Variants in DGKI observed in about 807,000 individuals in gnomAD.
The protein encoded by DGKI is diacylglycerol kinase iota, also known as DAG kinase iota.
A neutral mutation model predicts 147.5 loss-of-function variants in DGKI; 55 were observed. The observed-to-expected ratio is 0.37, with a 90% confidence interval of 0.30 to 0.47. The LOEUF (loss-of-function observed/expected upper bound fraction) is 0.47. Ranked by LOEUF, DGKI falls within the 20% of genes least tolerant of loss-of-function variation. DGKI has a pLI of 1.00. For missense variants in DGKI, 1,007 were observed against 1,323.8 expected, an observed-to-expected ratio of 0.76 and a Z score of 3.71; for synonymous variants, 469 against 477.1, an observed-to-expected ratio of 0.98 and a Z score of 0.22.
intron 23 of DGKI, among the ~76,000 whole-genome samples, chr7:137,472,353 T>G (rs1477984760): frequency 4.4e-5 from 5 of 113,416 alleles, no homozygotes; most frequent in African/African-American, 2.3e-4. Context: ...AATTATTATA[T>G]GTATATATAC....
At chr7:137,449,027 T>C (rs1813843609) in intron 27 of DGKI, among the ~76,000 whole-genome samples, 1 of 152,224 alleles carries the variant, frequency 6.6e-6, no homozygotes, top group Admixed American at 6.5e-5. Context: ...CTCTTTCTCA[T>C]GAATTAAAAT....
intron 6 of DGKI, among the ~76,000 whole-genome samples, chr7:137,637,496 C>T (rs1323274481): frequency 6.6e-6 from 1 of 152,204 alleles, no homozygotes; most frequent in Non-Finnish European, 1.5e-5. Flanking sequence ...AGAAGAATTA[C>T]ACCTGTTTAC....
At chr7:137,607,467 A>G (rs1034932296) in intron 10 of DGKI, among the ~76,000 whole-genome samples, 1 of 152,224 alleles carries the variant, frequency 6.6e-6, no homozygotes, top group African/African-American at 2.4e-5. Context: ...TGGAATAGGA[A>G]CAGGCTATGT....
chr7:137,489,030 T>C lies in DGKI; in HGVS notation c.2249-1341A>G, dbSNP rs150437926. Among the ~76,000 whole-genome samples the C allele has an allele frequency of 6.5e-3, 983 of 152,226 alleles. 9 individuals carry two copies. The highest frequency in any genetic ancestry group is 0.017 in the Middle Eastern group (5 of 294). Reference sequence around the variant, plus strand: ...AAAAGAAATAGAGTTTGTATCTCAATGTTACCTCCTAGATTGGTTTCTGCT... The same window carrying C: ...AAAAGAAATAGAGTTTGTATCTCAACGTTACCTCCTAGATTGGTTTCTGCT... On this transcript the variant is annotated intron_variant, in intron 21 of 32. Coordinates refer to ENST00000614521, the MANE Select transcript of DGKI (RefSeq NM_001321708.2).
At chr7:137,724,419 G>T (rs949995010) in intron 1 of DGKI, among the ~76,000 whole-genome samples, 1 of 152,174 alleles carries the variant, frequency 6.6e-6, no homozygotes, top group East Asian at 1.9e-4. Flanking sequence ...AAGGGGAGGG[G>T]TATAACTAGA....
intron 27 of DGKI, among the ~76,000 whole-genome samples, chr7:137,453,607 GACAA>G (rs1301626781): frequency 3.9e-5 from 6 of 152,124 alleles, no homozygotes; most frequent in Non-Finnish European, 8.8e-5. Context: ...ATGAGAGAAA[GACAA>G]ACACATTCTC....
intron 3 of DGKI, among the ~76,000 whole-genome samples, chr7:137,664,749 T>A (rs961502472): frequency 1.3e-5 from 2 of 151,992 alleles, no homozygotes; most frequent in African/African-American, 2.4e-5. Context: ...CCCTGAAAAA[T>A]TGTTTTGATC....
chr7:137,486,448 T>G, intron 22 of DGKI, among the ~76,000 whole-genome samples: 1 of 152,116 alleles, frequency 6.6e-6, no homozygotes, highest in East Asian at 1.9e-4. Flanking sequence ...ACAAACATTA[T>G]TTTGGGAAAT....
At chr7:137,465,166 A>G (rs6963610) in intron 26 of DGKI, among the ~76,000 whole-genome samples, 24,773 of 152,156 alleles carry the variant, frequency 0.16, 4,273 homozygotes, top group African/African-American at 0.44. Flanking sequence ...GAAATATTAG[A>G]CAAGTAACAT....
At chr7:137,447,402 G>T (rs1160668325) in intron 27 of DGKI, among the ~76,000 whole-genome samples, 4 of 152,146 alleles carry the variant, frequency 2.6e-5, no homozygotes, top group Non-Finnish European at 5.9e-5. Flanking sequence ...AAATATATAT[G>T]AGGCAAAGAG....
At chr7:137,698,501 A>G (rs1823870330) in intron 1 of DGKI, among the ~76,000 whole-genome samples, 1 of 152,168 alleles carries the variant, frequency 6.6e-6, no homozygotes, top group Non-Finnish European at 1.5e-5. Flanking sequence ...CAAACTTTAC[A>G]TCAACCAGTC....
intron 1 of DGKI, among the ~76,000 whole-genome samples, chr7:137,837,997 C>CTTTT (rs777963342): frequency 1.5e-4 from 17 of 109,778 alleles, no homozygotes; most frequent in East Asian, 2.6e-4. Context: ...AAGGGAGAAA[C>CTTTT]TTTTTTTTTT....
intron 27 of DGKI, among the ~76,000 whole-genome samples, chr7:137,457,846 C>T (rs574944255): frequency 2.0e-5 from 3 of 151,672 alleles, no homozygotes; most frequent in East Asian, 3.9e-4. Flanking sequence ...CTTAATAAGC[C>T]TATTTTTTTT....
chr7:137,448,319 A>C (rs1033529144), intron 27 of DGKI, among the ~76,000 whole-genome samples: 1 of 141,274 alleles, frequency 7.1e-6, no homozygotes, highest in Non-Finnish European at 1.6e-5. Context: ...AAAAAAAAAA[A>C]CTCACCCAAT....
intron 30 of DGKI, among the ~76,000 whole-genome samples, chr7:137,403,258 A>G (rs1442059790): frequency 6.6e-6 from 1 of 152,152 alleles, no homozygotes; most frequent in African/African-American, 2.4e-5. Flanking sequence ...CCAGTTTTTC[A>G]TAAAGGAAAG....
intron 1 of DGKI, among the ~76,000 whole-genome samples, chr7:137,777,779 G>A (rs966354797): frequency 6.6e-6 from 1 of 152,120 alleles, no homozygotes; most frequent in Non-Finnish European, 1.5e-5. Flanking sequence ...CTTTCCTCTG[G>A]ATAACTGAGG....
chr7:137,484,076 G>A (rs1036064446), intron 23 of DGKI, among the ~76,000 whole-genome samples: 4 of 151,992 alleles, frequency 2.6e-5, no homozygotes, highest in African/African-American at 4.8e-5. Flanking sequence ...TATCCTAAGT[G>A]ACTTTTCTTC....
At chr7:137,801,599 A>G (rs1797209604) in intron 1 of DGKI, among the ~76,000 whole-genome samples, 1 of 152,182 alleles carries the variant, frequency 6.6e-6, no homozygotes, top group Non-Finnish European at 1.5e-5. Context: ...AGTAAGTGGC[A>G]TTATCACTCT....
At chr7:137,420,149 C>A (rs563725009) in intron 28 of DGKI, among the ~76,000 whole-genome samples, 3 of 152,288 alleles carry the variant, frequency 2.0e-5, no homozygotes, top group Non-Finnish European at 2.9e-5. Context: ...GATTCCTGGG[C>A]TTCCCGTGTG....
Sources: allele counts gnomAD v4.1 joint callset (sites outside exome capture counted in the v4.1 genomes callset), GRCh38; gene constraint gnomAD v4.1.1; transcripts MANE v1.5; gene names NCBI Gene and HGNC (gene_info 2026-07-23, HGNC 2026-07-21).